The following CCDC66 variants were observed in gnomAD, a reference collection of about 807,000 sequenced individuals.
CCDC66 encodes coiled-coil domain-containing protein 66.
CCDC66 carries 133 observed loss-of-function variants against 128.3 expected under a neutral mutation model. That is an observed-to-expected ratio of 1.04 (90% CI 0.90 to 1.20). The LOEUF (loss-of-function observed/expected upper bound fraction) is 1.20. CCDC66 is among the 50% of genes most tolerant of loss of function. The pLI, the probability that CCDC66 is intolerant of heterozygous loss-of-function variation, is 0.00. For synonymous variants in CCDC66, 387 were observed against 357.0 expected, an observed-to-expected ratio of 1.08 and a Z score of -0.95; for missense variants, 1,126 against 1,075.5, an observed-to-expected ratio of 1.05 and a Z score of -0.66.
rs2076103076 is a variant in CCDC66, at chr3:56,619,724, T to C, written c.2636-53T>C. Reference sequence around the variant, plus strand: ...CTGACAATATTATATAGCACAGGGCTATGTCATTTTACTAATGTAATTGAC... The same window carrying C: ...CTGACAATATTATATAGCACAGGGCCATGTCATTTTACTAATGTAATTGAC... On this transcript the variant is annotated intron_variant, in intron 16 of 17. Coordinates refer to ENST00000394672, the MANE Select transcript of CCDC66 (RefSeq NM_001141947.3). 6.9e-6 allele frequency: 11 copies of C among 1,602,440 alleles called. No homozygotes were observed. The South Asian group carries it at 1.1e-4, about 16-fold the overall frequency.
chr3:56,576,295 A>G (rs1234826471), intron 7 of CCDC66, among the ~76,000 whole-genome samples: 2 of 143,702 alleles, frequency 1.4e-5, no homozygotes, highest in African/African-American at 5.1e-5. Context: ...TTGTTTTTTT[A>G]TATATTTTTC....
intron 7 of CCDC66, chr3:56,572,548 C>T (rs886124841): frequency 1.5e-4 from 25 of 171,402 alleles, no homozygotes; most frequent in African/African-American, 1.3e-3. Flanking sequence ...TTAATTTTTA[C>T]TTGAGTGTAT....
intron 13 of CCDC66, 33 bp from the exon 14 acceptor site, chr3:56,617,079 A>C: frequency 6.9e-7 from 1 of 1,454,336 alleles, no homozygotes. Context: ...TTTTGTTTAC[A>C]ATTTTTAAAA....
chr3:56,608,162 A>G (rs1026214061), intron 10 of CCDC66, among the ~76,000 whole-genome samples: 5 of 152,088 alleles, frequency 3.3e-5, no homozygotes, highest in African/African-American at 9.7e-5. Flanking sequence ...TGAATTAGGG[A>G]GGGTTCCTTC....
rs148535976 is a variant in CCDC66 at position 56,604,175 on chromosome 3, C to T, written c.1405-9414C>T. Among the ~76,000 whole-genome samples the T allele has an allele frequency of 4.5e-4, 69 of 152,126 alleles. 1 individual carries two copies. The highest frequency in any genetic ancestry group is 1.6e-3 in the African/African-American group (65 of 41,436). ...TATTTTGAGCCTATGTGTGTCTCTG[C>T]GTGTGAGATGGGTCTCCTGAATACA... is the stretch of plus-strand genomic sequence containing the variant. On this transcript the variant is annotated intron_variant, in intron 10 of 17. Coordinates refer to ENST00000394672, the MANE Select transcript of CCDC66 (RefSeq NM_001141947.3).
intron 1 of CCDC66, 187 bp from the exon 2 acceptor site, chr3:56,558,659 C>T: frequency 3.3e-6 from 2 of 603,020 alleles, no homozygotes; most frequent in Non-Finnish European, 6.0e-6. Context: ...AAGAATTTTC[C>T]CCCTGTAGTT....
intron 14 of CCDC66, chr3:56,617,884 C>T (rs2075719318): frequency 3.5e-6 from 2 of 566,610 alleles, no homozygotes; most frequent in East Asian, 5.9e-5. Flanking sequence ...TTTCCTTATG[C>T]TTATCGAGTC....
chr3:56,558,818 G>A, intron 1 of CCDC66, 28 bp from the exon 2 acceptor site: 2 of 1,477,916 alleles, frequency 1.4e-6, no homozygotes, highest in Admixed American at 2.0e-5. Context: ...TGTTAAAAAT[G>A]AGAGACAACT....
Position 56,563,905 on chromosome 3 carries a change from G to A in CCDC66, c.324G>A (p.Gln108=). 6.2e-7 allele frequency: 1 copy of A among 1,613,278 alleles called. No individual in the cohort carries two copies. The highest frequency in any genetic ancestry group is 8.5e-7 in the Non-Finnish European group (1 of 1,179,424). Residue 108 remains glutamine (Q), a synonymous_variant, in exon 4 of 18, where the codon CAG becomes CAA. Transcript: ENST00000394672. ...QCIDKDCLHI[Q]KEISPATPNM... Reference sequence around the variant, plus strand: ...TAGATAAAGACTGTCTTCATATCCAGAAAGAGATTTCACCTGCAACCCCTA... The same window carrying A: ...TAGATAAAGACTGTCTTCATATCCAAAAAGAGATTTCACCTGCAACCCCTA...
chr3:56,558,898 T>C lies in CCDC66; in HGVS notation c.64T>C (p.Leu22=), dbSNP rs17056890. ...ACTGGATGGAAAAACCAAGCTAATA[T>C]TGTCTCCATATGGTATGTTGTGTTA... The part of the protein sequence containing the change: ...ELLDGKTKLI[L]SPYEHKSKIS... The change falls in exon 2 of 18, where the codon TTG becomes CTG. Residue 22 remains leucine, a synonymous_variant. Transcript: ENST00000394672. 2,472 of 1,546,808 alleles carry C rather than the reference T, an allele frequency of 1.6e-3. 33 individuals carry two copies. In the African/African-American group the frequency reaches 0.03, roughly 19 times the overall value.
chr3:56,609,952 T>A (rs1167484128), intron 10 of CCDC66, among the ~76,000 whole-genome samples: 1 of 152,244 alleles, frequency 6.6e-6, no homozygotes, highest in African/African-American at 2.4e-5. Flanking sequence ...GCTGTTAATC[T>A]GATAGGTTTT....
chr3:56,559,633 TA>T, intron 3 of CCDC66, 39 bp downstream of exon 3: 1 of 1,472,694 alleles, frequency 6.8e-7, no homozygotes, highest in Non-Finnish European at 9.1e-7. Flanking sequence ...TTTTCAAATG[TA>T]AAATGCAGTT....
rs1433619047 is a variant in CCDC66 at position 56,621,539 on chromosome 3, T to C, written c.2768T>C (p.Leu923Pro). Residue 923 changes from leucine to proline, a missense_variant, in exon 18 of 18, where the codon CTC becomes CCC. Coordinates refer to ENST00000394672, the MANE Select transcript of CCDC66 (RefSeq NM_001141947.3). ...KGLSELRQGL[L>P]QKQKELESSL... ...ATATCAATGTGATTTCAGGGCCTTC[T>C]CCAGAAGCAAAAGGAGTTGGAAAGT... 1.9e-6 allele frequency: 3 copies of C among 1,590,484 alleles called. No individual in the cohort carries two copies. The highest frequency in any genetic ancestry group is 2.3e-5 in the East Asian group (1 of 44,370).
Position 56,617,742 on chromosome 3 carries a change from AATCCAGGCTGCT to A in CCDC66, c.2337+138_2337+149del, listed in dbSNP as rs2075699078. On this transcript the variant is annotated intron_variant, in intron 14 of 17. Coordinates refer to ENST00000394672, the MANE Select transcript of CCDC66 (RefSeq NM_001141947.3). ...ATCAGCAAACTATATCCCATGGGCA[AATCCAGGCTGCT>A]GCCTGTTTTTGGAAAGTTTTATACG... 3.0e-5 allele frequency: 32 copies of A among 1,062,906 alleles called. No individual in the cohort carries two copies. The Middle Eastern group carries it at 1.0e-3, about 35-fold the overall frequency. 65.8% of individuals were successfully genotyped at this position (1,062,906 alleles called of 1,614,324 possible).
chr3:56,582,849 T>TTATTATTA lies in CCDC66; in HGVS notation c.937-10120_937-10119insATTATTAT, dbSNP rs1553682880. 1.8e-3 allele frequency among the ~76,000 whole-genome samples: 244 copies of TTATTATTA among 134,880 alleles called. 1 individual carries two copies. The highest frequency in any genetic ancestry group is 2.4e-3 in the Non-Finnish European group (153 of 64,114). The allele number at this position is 134,880 out of a possible 152,430, so 88.5% of individuals were successfully genotyped here. A position where few individuals can be genotyped will look rare whatever the true frequency, so the allele number is the denominator to read the frequency against. ...TCCCTTTTTTGACTTCTCAACTTTC[T>TTATTATTA]TTATTATTATTATTATTATTATTAT... On this transcript the variant is annotated intron_variant, in intron 7 of 17. Coordinates refer to ENST00000394672, the MANE Select transcript of CCDC66 (RefSeq NM_001141947.3).
intron 3 of CCDC66, among the ~76,000 whole-genome samples, chr3:56,563,329 C>G (rs2065361954): frequency 6.6e-6 from 1 of 150,706 alleles, no homozygotes. Context: ...CTGTTGCACT[C>G]CAGCCTGGGC....
intron 7 of CCDC66, among the ~76,000 whole-genome samples, chr3:56,578,839 G>T (rs561645363): frequency 7.2e-4 from 110 of 151,856 alleles, no homozygotes; most frequent in African/African-American, 2.6e-3. Context: ...TTTCTGCATC[G>T]ATGTTCATCA....
chr3:56,604,916 T>C (rs2073841566), intron 10 of CCDC66, among the ~76,000 whole-genome samples: 1 of 151,702 alleles, frequency 6.6e-6, no homozygotes, highest in African/African-American at 2.4e-5. Flanking sequence ...TAATCAAACG[T>C]AGATTTGGTC....
At chr3:56,563,285 G>A (rs1335157432) in intron 3 of CCDC66, among the ~76,000 whole-genome samples, 2 of 151,818 alleles carry the variant, frequency 1.3e-5, no homozygotes, top group Non-Finnish European at 2.9e-5. Context: ...TGCTTCAACC[G>A]GGGAGGTGGA....
Sources: allele counts gnomAD v4.1 joint callset (sites outside exome capture counted in the v4.1 genomes callset), GRCh38; gene constraint gnomAD v4.1.1; transcripts MANE v1.5; gene names NCBI Gene and HGNC (gene_info 2026-07-23, HGNC 2026-07-21).